Variants in PPP4R4 observed in about 807,000 individuals in gnomAD.
PPP4R4 encodes protein phosphatase 4 regulatory subunit 4.
In PPP4R4, 70 loss-of-function variants were observed where a neutral mutation model predicts 121.8. The ratio of observed to expected loss-of-function variants is 0.57; its 90% CI spans 0.47 to 0.70. The LOEUF (loss-of-function observed/expected upper bound fraction) is 0.70, where lower values mean the gene tolerates loss of function less well. Ranked by LOEUF, PPP4R4 falls within the 30% of genes least tolerant of loss-of-function variation. PPP4R4 has a pLI of 0.00. For missense variants in PPP4R4, 875 were observed against 1,033.6 expected (o/e 0.85, Z 2.10); for synonymous variants, 348 against 355.7 (o/e 0.98, Z 0.24).
chr14:94,250,182 C>G lies in PPP4R4; in HGVS notation c.1622C>G (p.Pro541Arg). Residue 541 changes from proline to arginine, a missense_variant, in exon 15 of 25, where the codon CCT becomes CGT. Pro to Arg is a moderately radical substitution (Grantham distance 103). Transcript: ENST00000304338. ...FTIMMTNNVL[P>R]VQKAASRTLC... ...ACTTACTTCTTCAAGAATGTTTTAC[C>G]TGTCCAAAAGGCGGCTTCACGAACT... The G allele has an allele frequency of 6.2e-7, 1 of 1,607,068 alleles. No individual in the cohort carries two copies. The highest frequency in any genetic ancestry group is 1.1e-5 in the South Asian group (1 of 90,832).
At chr14:94,227,767 C>T (rs761800953) in intron 3 of PPP4R4, 17 of 992,034 alleles carry the variant, frequency 1.7e-5, no homozygotes, top group East Asian at 2.2e-4. Context: ...CTGGAATGTA[C>T]GTTGTGGCCC....
chr14:94,230,127 CTT>C (rs1891933918), intron 3 of PPP4R4, among the ~76,000 whole-genome samples: 1 of 152,076 alleles, frequency 6.6e-6, no homozygotes, highest in South Asian at 2.1e-4. Flanking sequence ...TTTGCATACT[CTT>C]AAGTGTATTC....
chr14:94,190,976 A>G (rs1889565995), intron 2 of PPP4R4, among the ~76,000 whole-genome samples: 1 of 152,090 alleles, frequency 6.6e-6, no homozygotes. Flanking sequence ...AATATAGATA[A>G]CTGAAACTAA....
At chr14:94,247,707 A>G (rs1157565967) in intron 14 of PPP4R4, among the ~76,000 whole-genome samples, 1 of 152,238 alleles carries the variant, frequency 6.6e-6, no homozygotes, top group African/African-American at 2.4e-5. Flanking sequence ...CAAAAAGTTA[A>G]TTCACCACAA....
At chr14:94,200,798 C>T (rs1019928612) in intron 2 of PPP4R4, among the ~76,000 whole-genome samples, 4 of 108,114 alleles carry the variant, frequency 3.7e-5, no homozygotes, top group Non-Finnish European at 7.2e-5. Context: ...TTTCACTTAT[C>T]TTTTGTATTT....
chr14:94,248,729 T>C (rs548437764), intron 14 of PPP4R4, among the ~76,000 whole-genome samples: 15 of 152,172 alleles, frequency 9.9e-5, no homozygotes, highest in Non-Finnish European at 1.9e-4. Flanking sequence ...CCATCATTTA[T>C]GCATTTTTAA....
At position 94,259,521 on chromosome 14, in the gene PPP4R4, T is replaced by C. The variant is rs1011435232; in HGVS notation, c.2127+152T>C. On this transcript the variant is annotated intron_variant, in intron 19 of 24. Coordinates refer to ENST00000304338, the MANE Select transcript of PPP4R4 (RefSeq NM_058237.2). Reference sequence around the variant, plus strand: ...TCCAGTTTTTTGAAATCTGTTCTTTTATGAACTAGATAGAAAACTATATTT... The same window carrying C: ...TCCAGTTTTTTGAAATCTGTTCTTTCATGAACTAGATAGAAAACTATATTT... 7 of 1,153,578 alleles carry C rather than the reference T, an allele frequency of 6.1e-6. No homozygotes were observed. In the African/African-American group the frequency reaches 1.1e-4, roughly 18 times the overall value. The allele number at this position is 1,153,578 out of a possible 1,614,324, so 71.5% of individuals were successfully genotyped here.
intron 5 of PPP4R4, among the ~76,000 whole-genome samples, chr14:94,233,379 A>G (rs1199896857): frequency 2.6e-5 from 4 of 152,180 alleles, no homozygotes; most frequent in Admixed American, 1.3e-4. Flanking sequence ...TCAAAATTCT[A>G]CTTTTATCTG....
At chr14:94,179,775 C>T (rs1429474010) in intron 2 of PPP4R4, among the ~76,000 whole-genome samples, 1 of 152,166 alleles carries the variant, frequency 6.6e-6, no homozygotes, top group Non-Finnish European at 1.5e-5. Context: ...CATTCCTTAA[C>T]TGTGTGTGCA....
chr14:94,222,063 G>A (rs865824047), intron 3 of PPP4R4, among the ~76,000 whole-genome samples: 11 of 151,964 alleles, frequency 7.2e-5, no homozygotes, highest in Middle Eastern at 6.8e-3. Flanking sequence ...GGCTTCTCCT[G>A]ATGTTTTAGA....
chr14:94,174,676 C>A, intron 1 of PPP4R4, 94 bp downstream of exon 1: 2 of 1,500,682 alleles, frequency 1.3e-6, no homozygotes, highest in Admixed American at 2.2e-5. Flanking sequence ...CCACCCTCCC[C>A]TCCTCCGGGC....
intron 2 of PPP4R4, among the ~76,000 whole-genome samples, chr14:94,205,644 C>T (rs909985547): frequency 2.0e-5 from 3 of 151,170 alleles, no homozygotes; most frequent in Admixed American, 6.6e-5. Flanking sequence ...GTTACATTTC[C>T]CTCTTTGAAT....
chr14:94,274,948 CAGAAAT>C (rs1476484919), intron 23 of PPP4R4, among the ~76,000 whole-genome samples: 1 of 151,890 alleles, frequency 6.6e-6, no homozygotes, highest in African/African-American at 2.4e-5. Flanking sequence ...CAATACCAGT[CAGAAAT>C]AGAAAGGAAG....
intron 1 of PPP4R4, 57 bp from the exon 2 acceptor site, chr14:94,175,997 G>C: frequency 7.3e-7 from 1 of 1,374,018 alleles, no homozygotes; most frequent in Non-Finnish European, 1.0e-6. Flanking sequence ...TGGGAGGTTG[G>C]GGGGCAAGAC....
chr14:94,178,947 A>G (rs938111100), intron 2 of PPP4R4, among the ~76,000 whole-genome samples: 3 of 152,150 alleles, frequency 2.0e-5, no homozygotes. Flanking sequence ...TATATTTCTG[A>G]TTGTCTACCA....
chr14:94,255,112 A>G (rs565015671), intron 16 of PPP4R4, among the ~76,000 whole-genome samples: 1 of 152,336 alleles, frequency 6.6e-6, no homozygotes, highest in South Asian at 2.1e-4. Context: ...TCCATTGCAT[A>G]TCTGATAGAA....
chr14:94,185,699 A>G (rs1432699186), intron 2 of PPP4R4, among the ~76,000 whole-genome samples: 1 of 152,170 alleles, frequency 6.6e-6, no homozygotes, highest in African/African-American at 2.4e-5. Flanking sequence ...TATAGGAAAC[A>G]TCCCATTTGG....
intron 23 of PPP4R4, among the ~76,000 whole-genome samples, chr14:94,268,052 A>G (rs969439622): frequency 7.9e-5 from 12 of 152,228 alleles, no homozygotes; most frequent in African/African-American, 2.4e-4. Context: ...TTGATTAACT[A>G]AAATTTTCCC....
At chr14:94,227,252 C>A (rs1396196301) in intron 3 of PPP4R4, 6 of 1,537,146 alleles carry the variant, frequency 3.9e-6, no homozygotes, top group Non-Finnish European at 3.6e-6. Context: ...TGCACTTAAG[C>A]AATAGAGGAA....
Sources: allele counts gnomAD v4.1 joint callset (sites outside exome capture counted in the v4.1 genomes callset), GRCh38; gene constraint gnomAD v4.1.1; transcripts MANE v1.5; gene names NCBI Gene and HGNC (gene_info 2026-07-23, HGNC 2026-07-21).